The following CDKAL1 variants were observed in gnomAD, a reference collection of about 807,000 sequenced individuals.
The protein encoded by CDKAL1 is CDKAL1 threonylcarbamoyladenosine tRNA methylthiotransferase.
CDKAL1 carries 32 observed loss-of-function variants against 68.2 expected under a neutral mutation model. The ratio of observed to expected loss-of-function variants is 0.47; its 90% CI spans 0.35 to 0.63. CDKAL1 has a LOEUF of 0.63. Ranked by LOEUF, CDKAL1 falls within the 30% of genes least tolerant of loss-of-function variation. The pLI is 0.00. For synonymous variants in CDKAL1, 234 were observed against 244.3 expected (o/e 0.96, Z 0.39); for missense variants, 606 against 696.7 (o/e 0.87, Z 1.47).
chr6:20,559,561 T>G (rs1764189995), intron 4 of CDKAL1: 1 of 152,194 alleles, frequency 6.6e-6, no homozygotes, highest in African/African-American at 2.4e-5. Flanking sequence ...TGGCCTGACC[T>G]TTTCAGGTCA....
chr6:20,593,817 G>C (rs1339741957), intron 4 of CDKAL1, among the ~76,000 whole-genome samples: 1 of 152,198 alleles, frequency 6.6e-6, no homozygotes, highest in Non-Finnish European at 1.5e-5. Flanking sequence ...GGCATTTAGT[G>C]CTATAAATTT....
At chr6:20,927,331 A>G (rs1432244267) in intron 9 of CDKAL1, among the ~76,000 whole-genome samples, 3 of 152,200 alleles carry the variant, frequency 2.0e-5, no homozygotes, top group Non-Finnish European at 4.4e-5. Context: ...TGATAACCCA[A>G]GGAGGCAAGA....
chr6:20,836,868 C>T (rs1184391392), intron 8 of CDKAL1, among the ~76,000 whole-genome samples: 5 of 152,070 alleles, frequency 3.3e-5, no homozygotes, highest in Admixed American at 1.3e-4. Flanking sequence ...CTGAGGTCCG[C>T]GTGGGAAAGG....
At chr6:20,936,031 A>G (rs1408368974) in intron 9 of CDKAL1, among the ~76,000 whole-genome samples, 1 of 152,056 alleles carries the variant, frequency 6.6e-6, no homozygotes, top group Non-Finnish European at 1.5e-5. Context: ...GATATATAAT[A>G]ATGAATAGAA....
At chr6:20,612,684 T>G (rs1383744097) in intron 4 of CDKAL1, among the ~76,000 whole-genome samples, 1 of 152,162 alleles carries the variant, frequency 6.6e-6, no homozygotes, top group Non-Finnish European at 1.5e-5. Context: ...TCTTCCTTTT[T>G]GTAGGTTGTC....
At chr6:20,541,616 A>G (rs1763389250) in intron 2 of CDKAL1, among the ~76,000 whole-genome samples, 1 of 151,576 alleles carries the variant, frequency 6.6e-6, no homozygotes, top group South Asian at 2.1e-4. Flanking sequence ...AGCTTGGGTC[A>G]TGTTCCCCAT....
intron 9 of CDKAL1, among the ~76,000 whole-genome samples, chr6:20,950,737 G>A (rs1166297577): frequency 1.3e-5 from 2 of 151,992 alleles, no homozygotes; most frequent in African/African-American, 4.8e-5. Flanking sequence ...AGGCTGAGGT[G>A]GGCGGATCAC....
At chr6:20,769,143 C>G (rs73732772) in intron 7 of CDKAL1, among the ~76,000 whole-genome samples, 3 of 151,956 alleles carry the variant, frequency 2.0e-5, no homozygotes, top group African/African-American at 7.3e-5. Context: ...GCCTTTTTCC[C>G]GTAACTCACA....
rs1484088357 is a variant in CDKAL1 at position 21,018,675 on chromosome 6, G to T, written c.1055+18303G>T. 2.6e-5 allele frequency among the ~76,000 whole-genome samples: 4 copies of T among 152,276 alleles called. No homozygotes were observed. The East Asian group carries it at 7.7e-4, about 29-fold the overall frequency. On this transcript the variant is annotated intron_variant, in intron 11 of 15. Coordinates refer to ENST00000274695, the MANE Select transcript of CDKAL1 (RefSeq NM_017774.3). ...ACTGTTGATAAAATTAACTATTTTA[G>T]ATCAGAATAAACCTTTATTGGCCTA...
intron 13 of CDKAL1, among the ~76,000 whole-genome samples, chr6:21,155,298 G>C (rs969159541): frequency 6.6e-6 from 1 of 152,066 alleles, no homozygotes; most frequent in Non-Finnish European, 1.5e-5. Context: ...GCGTGTGTGA[G>C]GATGGGGAGG....
rs957099038 is a variant in CDKAL1, at chr6:21,187,943, G to GA, written c.1300-10070dup. ...TTCATACATATTTTTGCCCATTTGT[G>GA]AAAAAAAAGGACATTTCCTTATTTT... On this transcript the variant is annotated intron_variant, in intron 13 of 15. Transcript: ENST00000274695. 9.9e-5 allele frequency among the ~76,000 whole-genome samples: 15 copies of GA among 151,290 alleles called. No individual in the cohort carries two copies. The South Asian group carries it at 2.1e-3, about 21-fold the overall frequency.
At chr6:21,149,401 C>T (rs974124844) in intron 13 of CDKAL1, among the ~76,000 whole-genome samples, 2 of 152,174 alleles carry the variant, frequency 1.3e-5, no homozygotes, top group African/African-American at 4.8e-5. Flanking sequence ...CCGCCTCGGC[C>T]TCCCAAAGTG....
At chr6:20,981,685 C>T (rs532165379) in intron 10 of CDKAL1, among the ~76,000 whole-genome samples, 239 of 152,230 alleles carry the variant, frequency 1.6e-3, no homozygotes, top group Non-Finnish European at 2.4e-3. Flanking sequence ...ACTAAAAATA[C>T]GAAGAATTAG....
intron 4 of CDKAL1, among the ~76,000 whole-genome samples, chr6:20,635,064 T>C (rs1369891579): frequency 1.3e-5 from 2 of 152,038 alleles, no homozygotes; most frequent in African/African-American, 4.8e-5. Context: ...GTGCCATTTA[T>C]GGAACTGTAG....
intron 15 of CDKAL1, among the ~76,000 whole-genome samples, chr6:21,205,909 A>AC (rs1778910743): frequency 1.6e-5 from 2 of 128,218 alleles, no homozygotes; most frequent in South Asian, 4.9e-4. Flanking sequence ...ATCTTGGCTC[A>AC]CCACAAGCTC....
intron 15 of CDKAL1, among the ~76,000 whole-genome samples, chr6:21,212,722 T>C (rs1779198801): frequency 6.6e-6 from 1 of 152,228 alleles, no homozygotes; most frequent in Admixed American, 6.5e-5. Context: ...TAAATTTTTA[T>C]GTATTTAGGG....
chr6:21,230,374 C>G (rs1779914726), intron 15 of CDKAL1, among the ~76,000 whole-genome samples: 1 of 152,224 alleles, frequency 6.6e-6, no homozygotes, highest in African/African-American at 2.4e-5. Flanking sequence ...GTTGGCCAGG[C>G]TGGTCTCAAA....
chr6:20,984,623 G>A (rs997211563), intron 10 of CDKAL1, among the ~76,000 whole-genome samples: 10 of 152,128 alleles, frequency 6.6e-5, no homozygotes, highest in Admixed American at 3.9e-4. Context: ...TGATGAAGGT[G>A]GCTCCCAGCG....
intron 6 of CDKAL1, among the ~76,000 whole-genome samples, chr6:20,750,729 C>G (rs148714453): frequency 6.6e-6 from 1 of 151,822 alleles, no homozygotes; most frequent in Non-Finnish European, 1.5e-5. Flanking sequence ...TTTGGGAGGC[C>G]GAGGCGGGCA....
Sources: allele counts gnomAD v4.1 joint callset (sites outside exome capture counted in the v4.1 genomes callset), GRCh38; gene constraint gnomAD v4.1.1; transcripts MANE v1.5; gene names NCBI Gene and HGNC (gene_info 2026-07-23, HGNC 2026-07-21).